PDE10A: variants seen among roughly 807,000 people sequenced by gnomAD.
PDE10A encodes the protein phosphodiesterase 10A, also known as cAMP and cAMP-inhibited cGMP 3',5'-cyclic phosphodiesterase 10A.
Under a neutral mutation model 97.7 loss-of-function variants are expected in PDE10A, and 39 were observed. The observed-to-expected ratio is 0.40, with a 90% CI of 0.31 to 0.52. The LOEUF is 0.52. Ranked by LOEUF, PDE10A falls within the 20% of genes least tolerant of loss-of-function variation. The pLI is 0.56. For synonymous variants in PDE10A, 371 were observed against 376.8 expected (o/e 0.98, Z 0.18); for missense variants, 731 against 1,047.8 (o/e 0.70, Z 4.17).
chr6:165,963,719 T>C (rs1177025650), intron 1 of PDE10A, among the ~76,000 whole-genome samples: 2 of 152,220 alleles, frequency 1.3e-5, no homozygotes, highest in Non-Finnish European at 2.9e-5. Context: ...AACTCCTTCC[T>C]CTCTTGACCC....
intron 2 of PDE10A, among the ~76,000 whole-genome samples, chr6:165,539,024 C>T (rs1783263745): frequency 6.6e-6 from 1 of 152,120 alleles, no homozygotes; most frequent in Admixed American, 6.5e-5. Flanking sequence ...TTGATGAAAC[C>T]TGTTTAAAAC....
intron 16 of PDE10A, among the ~76,000 whole-genome samples, chr6:165,389,344 G>A (rs1332018343): frequency 2.6e-5 from 4 of 152,188 alleles, no homozygotes; most frequent in Non-Finnish European, 5.9e-5. Flanking sequence ...AGTAATTGAG[G>A]CAAAATGTAA....
intron 1 of PDE10A, among the ~76,000 whole-genome samples, chr6:165,793,083 C>A (rs1386385654): frequency 4.6e-5 from 7 of 152,042 alleles, no homozygotes; most frequent in African/African-American, 1.4e-4. Flanking sequence ...AGAAATGAAG[C>A]CTTCACACCG....
chr6:165,723,409 T>A (rs1792212994), intron 1 of PDE10A, among the ~76,000 whole-genome samples: 1 of 152,168 alleles, frequency 6.6e-6, no homozygotes, highest in Admixed American at 6.5e-5. Flanking sequence ...TCCTTTATAT[T>A]TACAACGTGA....
chr6:165,553,220 T>G (rs1784098911), intron 1 of PDE10A, among the ~76,000 whole-genome samples: 1 of 152,196 alleles, frequency 6.6e-6, no homozygotes, highest in African/African-American at 2.4e-5. Context: ...TAAATTTCTT[T>G]TTTTGGGGAG....
rs1316422631 is a variant in PDE10A at position 165,725,892 on chromosome 6, T to C, written c.-614-182324A>G. 2.0e-5 allele frequency among the ~76,000 whole-genome samples: 3 copies of C among 152,282 alleles called. No individual in the cohort carries two copies. The East Asian group carries it at 5.8e-4, about 29-fold the overall frequency. ...CTTTCAATGTGGCAGTTTCTTTATGTATCAGGTGAAGGAGCCTGCTGTGAG... is the reference window on the plus strand; with the variant it reads ...CTTTCAATGTGGCAGTTTCTTTATGCATCAGGTGAAGGAGCCTGCTGTGAG... On this transcript the variant is annotated intron_variant, in intron 1 of 19. Transcript: ENST00000366882.
At chr6:165,828,423 T>C (rs1008215568) in intron 1 of PDE10A, among the ~76,000 whole-genome samples, 4 of 152,216 alleles carry the variant, frequency 2.6e-5, no homozygotes, top group Non-Finnish European at 4.4e-5. Context: ...TAAGTAAGTT[T>C]AAACAAAAGT....
chr6:165,502,150 T>C (rs1157630127), intron 2 of PDE10A, among the ~76,000 whole-genome samples: 1 of 152,146 alleles, frequency 6.6e-6, no homozygotes, highest in East Asian at 1.9e-4. Flanking sequence ...GATGCACATA[T>C]AAGGGTGAAA....
At chr6:165,678,271 ATG>A (rs1354431661) in intron 1 of PDE10A, among the ~76,000 whole-genome samples, 5 of 101,712 alleles carry the variant, frequency 4.9e-5, no homozygotes, top group Admixed American at 1.0e-4. Flanking sequence ...GTGTCTGTGT[ATG>A]TGTGTGTGTC....
chr6:165,344,592 G>A (rs1227430588), intron 18 of PDE10A, among the ~76,000 whole-genome samples: 1 of 152,156 alleles, frequency 6.6e-6, no homozygotes, highest in Non-Finnish European at 1.5e-5. Flanking sequence ...CACATTAGGA[G>A]CATCCATCTG....
chr6:165,353,202 T>C (rs1782810186), intron 18 of PDE10A, among the ~76,000 whole-genome samples: 1 of 152,178 alleles, frequency 6.6e-6, no homozygotes, highest in East Asian at 1.9e-4. Context: ...ATGCTGGATA[T>C]GGAGCAAGAG....
At chr6:165,704,986 T>C (rs925368904) in intron 1 of PDE10A, among the ~76,000 whole-genome samples, 7 of 152,208 alleles carry the variant, frequency 4.6e-5, no homozygotes, top group African/African-American at 1.7e-4. Context: ...CCAGGAGTCA[T>C]CCACTCTTCA....
At chr6:165,779,736 C>T (rs1441108321) in intron 1 of PDE10A, among the ~76,000 whole-genome samples, 4 of 152,168 alleles carry the variant, frequency 2.6e-5, no homozygotes, top group South Asian at 2.1e-4. Flanking sequence ...GAGCTGAATT[C>T]GTGTTCGACT....
intron 1 of PDE10A, among the ~76,000 whole-genome samples, chr6:165,858,888 G>A (rs1203185998): frequency 6.6e-6 from 1 of 152,158 alleles, no homozygotes; most frequent in African/African-American, 2.4e-5. Flanking sequence ...TACTCTTTGA[G>A]GGTAGAATCT....
intron 3 of PDE10A, among the ~76,000 whole-genome samples, chr6:165,450,624 T>C (rs1013752162): frequency 6.6e-6 from 1 of 152,054 alleles, no homozygotes; most frequent in African/African-American, 2.4e-5. Context: ...GCAGTGGCAC[T>C]ATCTCAGCTC....
At chr6:165,803,808 T>C (rs573496618) in intron 1 of PDE10A, among the ~76,000 whole-genome samples, 5 of 152,226 alleles carry the variant, frequency 3.3e-5, no homozygotes, top group Non-Finnish European at 7.3e-5. Flanking sequence ...TTTCCATACA[T>C]GCAGGCACAG....
At chr6:165,833,176 C>T (rs1011563592) in intron 1 of PDE10A, among the ~76,000 whole-genome samples, 1 of 152,216 alleles carries the variant, frequency 6.6e-6, no homozygotes, top group Non-Finnish European at 1.5e-5. Context: ...GGACACTACA[C>T]AATGAAATTC....
intron 1 of PDE10A, among the ~76,000 whole-genome samples, chr6:165,720,072 A>C (rs1182614907): frequency 6.6e-6 from 1 of 152,240 alleles, no homozygotes; most frequent in African/African-American, 2.4e-5. Flanking sequence ...AAAGAAACAA[A>C]GTAATTATTC....
chr6:165,551,522 T>C (rs1411978877), intron 1 of PDE10A, among the ~76,000 whole-genome samples: 1 of 152,136 alleles, frequency 6.6e-6, no homozygotes, highest in East Asian at 1.9e-4. Flanking sequence ...TGAATTATAA[T>C]CCCCAAAATA....
Sources: gnomAD v4.1 joint callset for allele counts (sites outside exome capture counted in the v4.1 genomes callset) on GRCh38, gnomAD v4.1.1 for gene constraint, MANE v1.5 for transcripts, NCBI Gene and HGNC (gene_info 2026-07-23, HGNC 2026-07-21) for gene names.